ABCC1: variants seen among roughly 807,000 people sequenced by gnomAD.
The protein encoded by ABCC1 is multidrug resistance-associated protein 1.
ABCC1 carries 83 observed loss-of-function variants against 172.9 expected under a neutral mutation model. That is an observed-to-expected ratio of 0.48 (90% CI 0.40 to 0.58). The LOEUF is 0.58. Among genes scored for constraint, ABCC1 ranks in the 20% least tolerant of loss-of-function variants. ABCC1 has a pLI of 0.00. For synonymous variants in ABCC1, 937 were observed against 825.2 expected (o/e 1.14, Z -2.32); for missense variants, 1,817 against 2,002.7 (o/e 0.91, Z 1.77).
At chr16:15,980,448 A>G (rs758374714) in intron 1 of ABCC1, among the ~76,000 whole-genome samples, 12 of 152,166 alleles carry the variant, frequency 7.9e-5, no homozygotes, top group Non-Finnish European at 1.8e-4. Context: ...GACCTCAGGA[A>G]ACTTATACTC....
chr16:16,012,485 AT>A (rs71674571), intron 3 of ABCC1, among the ~76,000 whole-genome samples: 54,610 of 138,218 alleles, frequency 0.4, 11,266 homozygotes, highest in Non-Finnish European at 0.5. Flanking sequence ...ATTAGAGTGG[AT>A]TTTTTTTTTT....
chr16:15,957,267 G>A (rs902289680), intron 1 of ABCC1, among the ~76,000 whole-genome samples: 16 of 57,602 alleles, frequency 2.8e-4, no homozygotes, highest in African/African-American at 1.3e-3. Flanking sequence ...TTTTTTTTTT[G>A]TAGAGATAGG....
Position 16,071,824 on chromosome 16 carries a change from C to T in ABCC1, c.1912+95C>T. 3 of 1,154,936 alleles carry T rather than the reference C, an allele frequency of 2.6e-6. No homozygotes were observed. The South Asian group carries it at 4.0e-5, about 15-fold the overall frequency. 71.5% of individuals were successfully genotyped at this position (1,154,936 alleles called of 1,614,324 possible). Reference sequence around the variant, plus strand: ...TGCATTTCTTTCCCTTGGCTGCCCTCAGGTTTGACTCTGCCCAGCCGCTTG... The same window carrying T: ...TGCATTTCTTTCCCTTGGCTGCCCTTAGGTTTGACTCTGCCCAGCCGCTTG... On this transcript the variant is annotated intron_variant, in intron 14 of 30. Transcript: ENST00000399410.
chr16:16,013,593 A>G (rs776737467), intron 3 of ABCC1, among the ~76,000 whole-genome samples: 1 of 151,794 alleles, frequency 6.6e-6, no homozygotes, highest in Non-Finnish European at 1.5e-5. Context: ...CTCTGTATCA[A>G]GCGTTGGAGA....
intron 11 of ABCC1, among the ~76,000 whole-genome samples, chr16:16,055,505 G>A (rs1307121394): frequency 6.6e-6 from 1 of 150,718 alleles, no homozygotes; most frequent in South Asian, 2.1e-4. Context: ...AGCCAAGATC[G>A]TGCTACTGCA....
intron 3 of ABCC1, among the ~76,000 whole-genome samples, chr16:16,013,541 A>C (rs1249461441): frequency 6.7e-6 from 1 of 149,004 alleles, no homozygotes; most frequent in Non-Finnish European, 1.5e-5. Context: ...GATTACAGGC[A>C]TGAGCCACTG....
chr16:16,017,077 T>A (rs1401751582), intron 5 of ABCC1, among the ~76,000 whole-genome samples: 1 of 115,508 alleles, frequency 8.7e-6, no homozygotes, highest in African/African-American at 2.6e-5. Context: ...GGCAAATGCC[T>A]GGCCCCTGAG....
intron 1 of ABCC1, among the ~76,000 whole-genome samples, chr16:16,004,472 G>A (rs1274885099): frequency 1.3e-5 from 2 of 152,074 alleles, no homozygotes; most frequent in Non-Finnish European, 1.5e-5. Flanking sequence ...ATTAACAGTA[G>A]TATGAAATCA....
At chr16:16,001,794 C>T (rs1211795583) in intron 1 of ABCC1, among the ~76,000 whole-genome samples, 2 of 152,156 alleles carry the variant, frequency 1.3e-5, no homozygotes, top group Admixed American at 6.6e-5. Flanking sequence ...ACCTTATCAG[C>T]TGGAGTATGA....
intron 1 of ABCC1, among the ~76,000 whole-genome samples, chr16:15,990,373 T>C (rs1256888991): frequency 1.3e-5 from 2 of 152,118 alleles, no homozygotes; most frequent in Non-Finnish European, 2.9e-5. Context: ...GTATACAATA[T>C]AGTATTGTGA....
chr16:15,951,604 G>C (rs2045874863), intron 1 of ABCC1, among the ~76,000 whole-genome samples: 1 of 152,090 alleles, frequency 6.6e-6, no homozygotes, highest in South Asian at 2.1e-4. Flanking sequence ...TTTGAGAGGA[G>C]GCAACTGGGG....
At chr16:16,078,645 T>G (rs2050683815) in intron 15 of ABCC1, among the ~76,000 whole-genome samples, 1 of 152,176 alleles carries the variant, frequency 6.6e-6, no homozygotes, top group Non-Finnish European at 1.5e-5. Context: ...TGTTTCTGTG[T>G]GTGGGACACT....
At chr16:16,029,209 A>T (rs996706911) in intron 5 of ABCC1, among the ~76,000 whole-genome samples, 1 of 152,168 alleles carries the variant, frequency 6.6e-6, no homozygotes, top group South Asian at 2.1e-4. Flanking sequence ...ATGAACTACC[A>T]TGAGCTCTTT....
intron 2 of ABCC1, among the ~76,000 whole-genome samples, 161 bp from the exon 3 acceptor site, chr16:16,009,615 A>C (rs552824245): frequency 6.6e-6 from 1 of 152,220 alleles, no homozygotes; most frequent in East Asian, 1.9e-4. Context: ...CATACCGAGG[A>C]CTTGTCCTTA....
At position 16,076,443 on chromosome 16, in the gene ABCC1, C is replaced by T. The variant is rs745519430; in HGVS notation, c.1988+42C>T. On this transcript the variant is annotated intron_variant, in intron 15 of 30. Transcript: ENST00000399410. ...ACACACGTGATGGTGTGGAGAGAGC[C>T]ACAGGGCTTTTGTTAAACGTGGATT... is the stretch of plus-strand genomic sequence containing the variant. 18 of 1,538,686 alleles carry T rather than the reference C, an allele frequency of 1.2e-5. No individual in the cohort carries two copies. In the South Asian group the frequency reaches 1.6e-4, roughly 13 times the overall value.
chr16:16,085,480 A>C (rs2050970957), intron 17 of ABCC1, among the ~76,000 whole-genome samples: 1 of 152,222 alleles, frequency 6.6e-6, no homozygotes. Flanking sequence ...GCTCCTTGGA[A>C]ATAAAAAACG....
At position 16,124,834 on chromosome 16, in the gene ABCC1, G is replaced by T; in HGVS notation, c.3636G>T (p.Leu1212=). The T allele has an allele frequency of 6.2e-7, 1 of 1,614,200 alleles. No individual in the cohort carries two copies. Among genetic ancestry groups the T allele is most frequent in the South Asian group, 1.1e-5 (1 of 91,082 alleles). The change falls in exon 25 of 31, where the codon CTG becomes CTT. Residue 1212 remains leucine, a synonymous_variant. Transcript: ENST00000399410. ...RLECVGNCIV[L]FAALFAVISR... ...AGTGTGTGGGCAACTGCATCGTTCT[G>T]TTTGCTGCCCTGTTTGCGGTGATCT...
intron 1 of ABCC1, among the ~76,000 whole-genome samples, chr16:16,004,970 A>T (rs2047470889): frequency 6.6e-6 from 1 of 151,348 alleles, no homozygotes; most frequent in Non-Finnish European, 1.5e-5. Flanking sequence ...CAACCTAATA[A>T]CTAGATCTCT....
chr16:16,069,860 C>G (rs2050267733), intron 13 of ABCC1, among the ~76,000 whole-genome samples: 3 of 152,060 alleles, frequency 2.0e-5, no homozygotes. Flanking sequence ...CTTGTCTCTA[C>G]TAAAAATACA....
Sources: gnomAD v4.1 joint callset for allele counts (sites outside exome capture counted in the v4.1 genomes callset) on GRCh38, gnomAD v4.1.1 for gene constraint, MANE v1.5 for transcripts, NCBI Gene and HGNC (gene_info 2026-07-23, HGNC 2026-07-21) for gene names.